The following TDRD1 variants were observed in gnomAD, a reference collection of about 807,000 sequenced individuals.
TDRD1 encodes the protein tudor domain containing 1, also known as tudor domain-containing protein 1.
A neutral mutation model predicts 140.6 loss-of-function variants in TDRD1; 37 were observed. The observed-to-expected ratio is 0.26, with a 90% confidence interval of 0.20 to 0.35. TDRD1 has a LOEUF of 0.35. TDRD1 is among the 10% of genes least tolerant of loss of function. TDRD1 has a pLI of 1.00. For missense variants in TDRD1, 1,243 were observed against 1,393.0 expected (o/e 0.89, Z 1.71); for synonymous variants, 506 against 475.7 (o/e 1.06, Z -0.83).
At chr10:114,204,280 A>G (rs984747745) in intron 9 of TDRD1, 64 bp downstream of exon 9, 54 of 1,497,972 alleles carry the variant, frequency 3.6e-5, no homozygotes, top group Admixed American at 9.7e-5. Flanking sequence ...CAATGTTTTG[A>G]TGGGCACAGT....
chr10:114,217,498 T>C (rs1355862355), intron 16 of TDRD1, 47 bp from the exon 17 acceptor site: 2 of 1,075,880 alleles, frequency 1.9e-6, no homozygotes, highest in Non-Finnish European at 2.7e-6. Flanking sequence ...CTGTGTTGTT[T>C]ATTTTTTAAT....
At chr10:114,187,698 T>A (rs1589657720) in intron 1 of TDRD1, 128 bp from the exon 2 acceptor site, 1 of 840,096 alleles carries the variant, frequency 1.2e-6, no homozygotes, top group East Asian at 2.5e-5. Context: ...CATGGTTATA[T>A]CTGCTTTGGA....
intron 3 of TDRD1, among the ~76,000 whole-genome samples, chr10:114,196,733 G>A (rs2034377436): frequency 6.8e-6 from 1 of 146,590 alleles, no homozygotes; most frequent in Non-Finnish European, 1.5e-5. Context: ...AGAATTTTAA[G>A]ATGTGTCTTG....
chr10:114,203,351 C>G (rs1383521862), intron 7 of TDRD1, 37 bp from the exon 8 acceptor site: 1 of 1,553,410 alleles, frequency 6.4e-7, no homozygotes, highest in Non-Finnish European at 8.7e-7. Flanking sequence ...CCTTGTGTGC[C>G]TTATGAATTA....
Position 114,206,341 on chromosome 10 carries a change from A to T in TDRD1, c.1384+11A>T, listed in dbSNP as rs781469170. 6 of 1,606,940 alleles carry T rather than the reference A, an allele frequency of 3.7e-6. 1 individual carries two copies. In the South Asian group the frequency reaches 6.6e-5, roughly 18 times the overall value. ...AAAATGCAGATCAAAGTGAGTATAGATTGATATTGAACGGTATAGCGACTT... is the reference window on the plus strand; with the variant it reads ...AAAATGCAGATCAAAGTGAGTATAGTTTGATATTGAACGGTATAGCGACTT... On this transcript the variant is annotated intron_variant, in intron 11 of 25. Transcript: ENST00000251864.
At chr10:114,191,112 C>A (rs901534225) in intron 3 of TDRD1, 93 bp downstream of exon 3, 3 of 1,302,554 alleles carry the variant, frequency 2.3e-6, no homozygotes, top group African/African-American at 1.5e-5. Flanking sequence ...TTGTAGGTAT[C>A]ATTCAAGATC....
At chr10:114,205,066 C>G (rs993965684) in intron 10 of TDRD1, among the ~76,000 whole-genome samples, 173 bp downstream of exon 10, 4 of 152,162 alleles carry the variant, frequency 2.6e-5, no homozygotes, top group African/African-American at 4.8e-5. Flanking sequence ...GACACAAATT[C>G]ATAGAATTAG....
intron 16 of TDRD1, among the ~76,000 whole-genome samples, chr10:114,214,580 TA>T (rs1412001935): frequency 6.6e-5 from 10 of 152,154 alleles, no homozygotes; most frequent in African/African-American, 2.4e-4. Context: ...AGTATTAGTG[TA>T]ACGTATAGAT....
chr10:114,204,079 A>T, exon 9 of TDRD1: 1 of 1,604,430 alleles, frequency 6.2e-7, no homozygotes, highest in Non-Finnish European at 8.5e-7. Context: ...TCAGACCTGG[A>T]ACAGAGCAAT....
intron 3 of TDRD1, 131 bp downstream of exon 3, chr10:114,191,150 T>TA (rs1050604832): frequency 5.9e-6 from 6 of 1,022,232 alleles, no homozygotes; most frequent in South Asian, 3.5e-5. Flanking sequence ...TGTACATTTT[T>TA]AAAAAAAGAA....
rs1205643392 is a variant in TDRD1 at position 114,228,249 on chromosome 10, A to C, written c.3538+124A>C. On this transcript the variant is annotated intron_variant, in intron 25 of 25. Coordinates refer to ENST00000251864, the Ensembl canonical transcript of TDRD1. ...TTGTAAGGCTGTACTTTCGTGATTTAATGACCTGAGGTTTGGTCATAATGC... is the reference window on the plus strand; with the variant it reads ...TTGTAAGGCTGTACTTTCGTGATTTCATGACCTGAGGTTTGGTCATAATGC... 2.1e-6 allele frequency: 3 copies of C among 1,441,026 alleles called. No homozygotes were observed. In the Admixed American group the frequency reaches 8.9e-5, roughly 43 times the overall value. The allele number at this position is 1,441,026 out of a possible 1,614,324, so 89.3% of individuals were successfully genotyped here.
upstream of TDRD1, among the ~76,000 whole-genome samples, chr10:114,176,941 A>G (rs2032706447): frequency 6.6e-6 from 1 of 152,236 alleles, no homozygotes; most frequent in African/African-American, 2.4e-5. The surrounding 1 kb of genome is among the most constrained non-coding windows in gnomAD (Gnocchi z 4.2). Flanking sequence ...AATATCCCAG[A>G]AAGTAATAAA....
upstream of TDRD1, among the ~76,000 whole-genome samples, chr10:114,174,880 G>A (rs974040677): frequency 1.3e-5 from 2 of 152,160 alleles, no homozygotes; most frequent in Non-Finnish European, 2.9e-5. Flanking sequence ...TGCCTCGCCC[G>A]GCCCAGAGAA....
chr10:114,227,859 T>C (rs749237161), intron 23 of TDRD1, 51 bp from the exon 24 acceptor site: 4 of 1,500,304 alleles, frequency 2.7e-6, no homozygotes, highest in Non-Finnish European at 3.7e-6. Context: ...CCCAAGTTTT[T>C]CTTCTTTACA....
downstream of TDRD1, chr10:114,232,316 AAAAAC>A (rs1354225852): frequency 3.9e-5 from 6 of 151,964 alleles, no homozygotes; most frequent in Admixed American, 1.3e-4. Context: ...AAAAAAAAAA[AAAAAC>A]GAAGAGTGTA....
intron 16 of TDRD1, among the ~76,000 whole-genome samples, chr10:114,215,260 C>T (rs895917660): frequency 6.6e-6 from 1 of 152,030 alleles, no homozygotes; most frequent in African/African-American, 2.4e-5. Context: ...CTTATTTTTC[C>T]TTGCTGCATA....
intron 3 of TDRD1, among the ~76,000 whole-genome samples, chr10:114,196,007 A>G (rs1181113091): frequency 3.9e-5 from 6 of 152,138 alleles, no homozygotes; most frequent in Non-Finnish European, 8.8e-5. Context: ...CTTCCCATAC[A>G]TTTCTTTACC....
At chr10:114,227,948 C>G (rs1589720925) in exon 24 of TDRD1, 1 of 1,613,752 alleles carries the variant, frequency 6.2e-7, no homozygotes, top group South Asian at 1.1e-5. Context: ...CACAGAGTTA[C>G]AGAAACAAGT....
rs2035451649 is a variant in TDRD1 at position 114,211,057 on chromosome 10, G to A, written c.1660+90G>A. On this transcript the variant is annotated intron_variant, in intron 13 of 25. Coordinates refer to ENST00000251864, the Ensembl canonical transcript of TDRD1. The stretch of plus-strand genomic sequence containing the variant: ...AAAAACCATTGAAACAGAGTCTTTG[G>A]TTTGCACTGATGGCTGGATTTAAAG... 6.0e-6 allele frequency: 6 copies of A among 1,003,050 alleles called. No homozygotes were observed. In the Admixed American group the frequency reaches 1.5e-4, roughly 26 times the overall value. The allele number at this position is 1,003,050 out of a possible 1,614,324, so 62.1% of individuals were successfully genotyped here. A position where few individuals can be genotyped will look rare whatever the true frequency, so the allele number is the denominator to read the frequency against.
Sources: allele counts gnomAD v4.1 joint callset (sites outside exome capture counted in the v4.1 genomes callset), GRCh38; gene constraint gnomAD v4.1.1; non-coding constraint Gnocchi (gnomAD v3.1); transcripts MANE v1.5; gene names NCBI Gene and HGNC (gene_info 2026-07-23, HGNC 2026-07-21).